Variants in SGCD observed in about 807,000 individuals in gnomAD.
SGCD encodes the protein sarcoglycan delta.
A neutral mutation model predicts 36.6 loss-of-function variants in SGCD; 18 were observed. That is an observed-to-expected ratio of 0.49 (90% confidence interval 0.34 to 0.73). The LOEUF (loss-of-function observed/expected upper bound fraction) is 0.73, where lower values mean the gene tolerates loss of function less well. SGCD is among the 30% of genes least tolerant of loss of function. The probability of loss-of-function intolerance (pLI) is 0.01; values close to 1 mark genes in which losing one functional copy is unlikely to be tolerated. For missense variants in SGCD, 387 were observed against 346.7 expected, an observed-to-expected ratio of 1.12 and a Z score of -0.92; for synonymous variants, 133 against 130.6, an observed-to-expected ratio of 1.02 and a Z score of -0.12.
chr5:156,112,584 G>C (rs551934441), intron 1 of SGCD, among the ~76,000 whole-genome samples: 5 of 152,036 alleles, frequency 3.3e-5, no homozygotes, highest in Non-Finnish European at 7.4e-5. Context: ...GGTTTTTTTT[G>C]AGAATTGAGA....
At chr5:156,248,660 A>T (rs1250888508) in intron 3 of SGCD, among the ~76,000 whole-genome samples, 1 of 152,236 alleles carries the variant, frequency 6.6e-6, no homozygotes, top group Non-Finnish European at 1.5e-5. Context: ...TTAGGACTTT[A>T]TTCGAAGACG....
At chr5:156,221,348 G>T (rs1387251161) in intron 3 of SGCD, among the ~76,000 whole-genome samples, 1 of 152,052 alleles carries the variant, frequency 6.6e-6, no homozygotes, top group Non-Finnish European at 1.5e-5. Flanking sequence ...ATTACCCTCT[G>T]TAAAAATTTA....
chr5:155,942,538 C>A (rs977282614), intron 1 of SGCD, among the ~76,000 whole-genome samples: 5 of 152,190 alleles, frequency 3.3e-5, no homozygotes, highest in Middle Eastern at 3.4e-3. Context: ...AAACTCTTGT[C>A]AAATCTCTGG....
chr5:156,467,762 G>A (rs890272701), intron 3 of SGCD, among the ~76,000 whole-genome samples: 1 of 152,206 alleles, frequency 6.6e-6, no homozygotes, highest in South Asian at 2.1e-4. Flanking sequence ...GAACTATGAG[G>A]CCCTAAAGAA....
intron 3 of SGCD, among the ~76,000 whole-genome samples, chr5:156,194,147 G>A (rs924226329): frequency 2.0e-5 from 3 of 152,158 alleles, no homozygotes; most frequent in Admixed American, 2.0e-4. Context: ...ATGATGAGGT[G>A]GGAAGATCAC....
chr5:156,723,558 A>G (rs749063428), intron 7 of SGCD, among the ~76,000 whole-genome samples: 10 of 152,238 alleles, frequency 6.6e-5, no homozygotes, highest in Non-Finnish European at 1.2e-4. Context: ...TAACCATGCT[A>G]TGAAGGGAAG....
chr5:156,182,211 G>T (rs563831729), intron 3 of SGCD, among the ~76,000 whole-genome samples: 1 of 152,278 alleles, frequency 6.6e-6, no homozygotes, highest in South Asian at 2.1e-4. Context: ...AAACAAATCT[G>T]GAAGACTTAA....
intron 1 of SGCD, among the ~76,000 whole-genome samples, chr5:155,973,167 C>A (rs1758041073): frequency 1.3e-5 from 2 of 152,154 alleles, no homozygotes. Flanking sequence ...GGGAACTTTG[C>A]AATATGGAAA....
At chr5:156,739,864 A>G (rs987126117) in intron 7 of SGCD, 3 of 152,154 alleles carry the variant, frequency 2.0e-5, no homozygotes, top group African/African-American at 7.2e-5. Context: ...TCCTGCCACA[A>G]ATGGAACTGG....
intron 1 of SGCD, among the ~76,000 whole-genome samples, chr5:155,906,041 G>C (rs3097822): frequency 6.6e-6 from 1 of 151,948 alleles, no homozygotes; most frequent in Non-Finnish European, 1.5e-5. Flanking sequence ...TTTTCCAACA[G>C]CATGGGCTGT....
chr5:156,430,073 C>T (rs1012792812), intron 3 of SGCD, among the ~76,000 whole-genome samples: 1 of 152,132 alleles, frequency 6.6e-6, no homozygotes, highest in Non-Finnish European at 1.5e-5. Flanking sequence ...GTCTAGATCT[C>T]TAGCAAGGGA....
At chr5:156,321,516 T>C (rs1210893117) in intron 3 of SGCD, among the ~76,000 whole-genome samples, 2 of 152,314 alleles carry the variant, frequency 1.3e-5, no homozygotes, top group African/African-American at 4.8e-5. Context: ...TTGTCATCCA[T>C]AATCCACCTG....
intron 7 of SGCD, among the ~76,000 whole-genome samples, chr5:156,715,978 C>A (rs1003015747): frequency 6.6e-6 from 1 of 152,116 alleles, no homozygotes; most frequent in Non-Finnish European, 1.5e-5. Context: ...AATGTCTTTG[C>A]ATGGTTTGAA....
At chr5:156,072,643 T>G (rs190968280) in intron 1 of SGCD, among the ~76,000 whole-genome samples, 1 of 152,166 alleles carries the variant, frequency 6.6e-6, no homozygotes, top group African/African-American at 2.4e-5. Context: ...ATCTTTGTGG[T>G]GTTCTCTGTA....
chr5:156,511,964 G>A (rs1315828623), intron 4 of SGCD, among the ~76,000 whole-genome samples: 1 of 152,134 alleles, frequency 6.6e-6, no homozygotes, highest in Admixed American at 6.5e-5. Flanking sequence ...GGAAGTCTGA[G>A]GTAGGTGGAT....
chr5:156,482,247 T>G (rs992729362), intron 3 of SGCD, among the ~76,000 whole-genome samples: 2 of 152,026 alleles, frequency 1.3e-5, no homozygotes, highest in African/African-American at 4.8e-5. Context: ...GTGCTGGAAG[T>G]TTTCAAAAAT....
the SGCD span, among the ~76,000 whole-genome samples, chr5:155,768,321 A>T: frequency 6.7e-6 from 1 of 150,206 alleles, no homozygotes; most frequent in African/African-American, 2.5e-5. Context: ...ATTTTGAAAT[A>T]GTTTTGTTGT....
chr5:156,494,055 A>G (rs1467760580), intron 3 of SGCD, among the ~76,000 whole-genome samples: 1 of 152,128 alleles, frequency 6.6e-6, no homozygotes, highest in Non-Finnish European at 1.5e-5. Context: ...GCCATAGGAA[A>G]TCAGAGAAGG....
intron 4 of SGCD, among the ~76,000 whole-genome samples, chr5:156,565,373 T>A (rs1390668819): frequency 6.6e-6 from 1 of 152,186 alleles, no homozygotes; most frequent in African/African-American, 2.4e-5. Flanking sequence ...AATATTTTTT[T>A]AAAAACCTGC....
Sources: allele counts gnomAD v4.1 joint callset (sites outside exome capture counted in the v4.1 genomes callset), GRCh38; gene constraint gnomAD v4.1.1; transcripts MANE v1.5; gene names NCBI Gene and HGNC (gene_info 2026-07-23, HGNC 2026-07-21).